The following ITFG1 variants were observed in gnomAD, a reference collection of about 807,000 sequenced individuals.
ITFG1 encodes the protein T-cell immunomodulatory protein.
A neutral mutation model predicts 81.8 loss-of-function variants in ITFG1; 34 were observed. The ratio of observed to expected loss-of-function variants is 0.42; its 90% CI spans 0.32 to 0.55. The LOEUF is 0.55. ITFG1 is among the 20% of genes least tolerant of loss of function. The probability of loss-of-function intolerance (pLI) is 0.17; values close to 1 mark genes in which losing one functional copy is unlikely to be tolerated. For synonymous variants in ITFG1, 285 were observed against 270.6 expected (o/e 1.05, Z -0.52); for missense variants, 672 against 755.4 (o/e 0.89, Z 1.29).
At chr16:47,382,449 AC>A (rs1479288276) in intron 6 of ITFG1, among the ~76,000 whole-genome samples, 1 of 152,348 alleles carries the variant, frequency 6.6e-6, no homozygotes, top group East Asian at 1.9e-4. Flanking sequence ...ATTTCCTGAA[AC>A]ATGGGGTCCA....
intron 6 of ITFG1, among the ~76,000 whole-genome samples, chr16:47,390,348 T>C (rs1968514825): frequency 6.6e-6 from 1 of 152,212 alleles, no homozygotes; most frequent in African/African-American, 2.4e-5. Flanking sequence ...TGGTAATGAG[T>C]TCTGTATGTG....
intron 14 of ITFG1, among the ~76,000 whole-genome samples, chr16:47,184,190 T>C (rs531048308): frequency 3.6e-4 from 55 of 152,202 alleles, no homozygotes; most frequent in Non-Finnish European, 7.1e-4. Flanking sequence ...TGGAACCAAG[T>C]TGGAAAACAT....
chr16:47,447,613 C>T (rs1028844667), intron 5 of ITFG1, among the ~76,000 whole-genome samples: 2 of 152,144 alleles, frequency 1.3e-5, no homozygotes, highest in African/African-American at 4.8e-5. Flanking sequence ...TCACTGCAAC[C>T]TCTGCCTCCC....
chr16:47,397,398 G>A (rs796191434), intron 6 of ITFG1, among the ~76,000 whole-genome samples: 1 of 152,118 alleles, frequency 6.6e-6, no homozygotes, highest in African/African-American at 2.4e-5. Context: ...TGGCTAACAA[G>A]ATAAGTAAGC....
At chr16:47,419,361 CA>C (rs1327413672) in intron 6 of ITFG1, among the ~76,000 whole-genome samples, 1 of 152,026 alleles carries the variant, frequency 6.6e-6, no homozygotes, top group Non-Finnish European at 1.5e-5. Context: ...CTCAACCTCC[CA>C]AGCTCAAGCA....
chr16:47,418,797 C>T (rs546727971), intron 6 of ITFG1, among the ~76,000 whole-genome samples: 153 of 152,164 alleles, frequency 1.0e-3, no homozygotes, highest in Middle Eastern at 3.4e-3. Flanking sequence ...TAGTATATGT[C>T]TGTAGCACAT....
At chr16:47,422,206 C>T (rs1968959476) in intron 6 of ITFG1, among the ~76,000 whole-genome samples, 1 of 152,140 alleles carries the variant, frequency 6.6e-6, no homozygotes, top group Non-Finnish European at 1.5e-5. Flanking sequence ...AATGGGATTG[C>T]TGGGTCAAAT....
At chr16:47,358,589 A>T (rs1968070511) in intron 8 of ITFG1, among the ~76,000 whole-genome samples, 1 of 152,234 alleles carries the variant, frequency 6.6e-6, no homozygotes, top group Non-Finnish European at 1.5e-5. Context: ...AAGCAAAAGT[A>T]ATGATATGTT....
intron 8 of ITFG1, among the ~76,000 whole-genome samples, chr16:47,330,843 A>G (rs1238007893): frequency 3.9e-5 from 6 of 152,306 alleles, no homozygotes. Flanking sequence ...GGCTGCAGAG[A>G]AAAGGGAATG....
intron 10 of ITFG1, among the ~76,000 whole-genome samples, chr16:47,306,375 T>A (rs989800603): frequency 2.0e-5 from 3 of 152,156 alleles, no homozygotes; most frequent in African/African-American, 7.2e-5. Context: ...TGCAATGCCA[T>A]ATTAAAAGCA....
chr16:47,160,373 GCTT>G (rs748637877), intron 16 of ITFG1, among the ~76,000 whole-genome samples: 53 of 151,702 alleles, frequency 3.5e-4, no homozygotes, highest in Non-Finnish European at 6.2e-4. Context: ...TTTTGCTGTT[GCTT>G]CTTTTGTTTG....
At chr16:47,244,594 T>TGC (rs983714919) in intron 12 of ITFG1, among the ~76,000 whole-genome samples, 6 of 1,078 alleles carry the variant, frequency 5.6e-3, no homozygotes, top group African/African-American at 0.01. Context: ...CCATCTTTTG[T>TGC]GTGTGTGTGT....
rs546763996 is a variant in ITFG1 at position 47,163,766 on chromosome 16, C to T, written c.1454-1102G>A. On this transcript the variant is annotated intron_variant, in intron 14 of 17. Transcript: ENST00000320640. Reference sequence around the variant, plus strand: ...AATGGTTCAAATTTTTCCACATCCTCAATAACACTTTTTGTTGTGTCTTTT... The same window carrying T: ...AATGGTTCAAATTTTTCCACATCCTTAATAACACTTTTTGTTGTGTCTTTT... Among the ~76,000 whole-genome samples, 5 of 152,286 alleles carry T rather than the reference C, an allele frequency of 3.3e-5. No homozygotes were observed. The East Asian group carries it at 9.6e-4, about 29-fold the overall frequency.
At position 47,161,597 on chromosome 16, in the gene ITFG1, A is replaced by G. The variant is rs546705701; in HGVS notation, c.1661+153T>C. 288 of 476,760 alleles carry G rather than the reference A, an allele frequency of 6.0e-4. 1 individual carries two copies. The highest frequency in any genetic ancestry group is 8.1e-4 in the Non-Finnish European group (209 of 257,134). The allele number at this position is 476,760 out of a possible 1,614,324, so 29.5% of individuals were successfully genotyped here. ...AATGTCTGGGACCTTTTATGTAAGT[A>G]TGTTTAGTCATTTAAAGTTTGCCGT... On this transcript the variant is annotated intron_variant, in intron 16 of 17. Transcript: ENST00000320640.
chr16:47,155,833 C>A, intron 17 of ITFG1, 55 bp from the exon 18 acceptor site: 1 of 1,282,576 alleles, frequency 7.8e-7, no homozygotes, highest in Non-Finnish European at 1.1e-6. Flanking sequence ...TATGAAAAGA[C>A]TCATTTCTGA....
At chr16:47,406,707 T>G (rs2151601149) in intron 6 of ITFG1, among the ~76,000 whole-genome samples, 1 of 152,300 alleles carries the variant, frequency 6.6e-6, no homozygotes, top group Middle Eastern at 3.4e-3. Flanking sequence ...TATAGTATTT[T>G]AGCAGGTGAA....
intron 6 of ITFG1, among the ~76,000 whole-genome samples, chr16:47,415,586 C>T (rs1968863334): frequency 6.6e-6 from 1 of 152,084 alleles, no homozygotes; most frequent in Non-Finnish European, 1.5e-5. Flanking sequence ...ATAGAAAAAA[C>T]AGAAATGGTT....
At chr16:47,292,044 C>A (rs1013727050) in intron 10 of ITFG1, among the ~76,000 whole-genome samples, 2 of 149,824 alleles carry the variant, frequency 1.3e-5, no homozygotes, top group Non-Finnish European at 3.0e-5. Flanking sequence ...GATGGAGTTT[C>A]GCTCTTTCGT....
intron 8 of ITFG1, among the ~76,000 whole-genome samples, chr16:47,353,937 A>C (rs766070598): frequency 1.9e-4 from 29 of 152,284 alleles, no homozygotes; most frequent in Admixed American, 5.9e-4. Flanking sequence ...AGAATTCATA[A>C]ATATAACCAA....
Sources: gnomAD v4.1 joint callset for allele counts (sites outside exome capture counted in the v4.1 genomes callset) on GRCh38, gnomAD v4.1.1 for gene constraint, MANE v1.5 for transcripts, NCBI Gene and HGNC (gene_info 2026-07-23, HGNC 2026-07-21) for gene names.